The following PCDHGB5 variants were observed in gnomAD, a reference collection of about 807,000 sequenced individuals.
PCDHGB5 encodes the protein protocadherin gamma-B5.
PCDHGB5 carries 48 observed loss-of-function variants against 62.9 expected under a neutral mutation model. That is an observed-to-expected ratio of 0.76 (90% CI 0.61 to 0.97). PCDHGB5 has a LOEUF of 0.97. Among genes scored for constraint, PCDHGB5 ranks in the 50% least tolerant of loss-of-function variants. The pLI is 0.00. For missense variants in PCDHGB5, 1,118 were observed against 1,198.6 expected (o/e 0.93, Z 0.99); for synonymous variants, 474 against 511.2 (o/e 0.93, Z 0.98).
chr5:141,455,283 C>G (rs1225185590), intron 1 of PCDHGB5, among the ~76,000 whole-genome samples: 1 of 152,000 alleles, frequency 6.6e-6, no homozygotes, highest in East Asian at 1.9e-4. Context: ...ATTAACATCA[C>G]TTTACATAGT....
At position 141,422,391 on chromosome 5, in the gene PCDHGB5, T is replaced by A. The variant is rs1036823508; in HGVS notation, c.2397+21867T>A. On this transcript the variant is annotated intron_variant, in intron 1 of 3. Transcript: ENST00000617380. ...ATGGTCAAGTCTCCTGTTTTATTCCTAACCACCTGCCTTTTAAATTAGAAA... is the reference window on the plus strand; with the variant it reads ...ATGGTCAAGTCTCCTGTTTTATTCCAAACCACCTGCCTTTTAAATTAGAAA... 2.5e-6 allele frequency: 4 copies of A among 1,591,932 alleles called. No individual in the cohort carries two copies. The African/African-American group carries it at 4.1e-5, about 16-fold the overall frequency.
chr5:141,422,477 A>G (rs1230502545), intron 1 of PCDHGB5: 2 of 1,613,904 alleles, frequency 1.2e-6, no homozygotes, highest in Admixed American at 1.7e-5. Flanking sequence ...GAGTTGGTCC[A>G]GAGCTACAAT....
At chr5:141,457,125 C>T (rs1011977795) in intron 1 of PCDHGB5, among the ~76,000 whole-genome samples, 3 of 152,236 alleles carry the variant, frequency 2.0e-5, no homozygotes, top group Admixed American at 6.5e-5. Flanking sequence ...GCAATGGAAA[C>T]TCTGTCCAAT....
chr5:141,500,520 T>TA (rs2099801149), intron 2 of PCDHGB5, among the ~76,000 whole-genome samples: 2 of 152,312 alleles, frequency 1.3e-5, no homozygotes, highest in Admixed American at 1.3e-4. Flanking sequence ...AGCTTCATTT[T>TA]AAAAAAATCT....
At chr5:141,437,150 A>T (rs572721302) in intron 1 of PCDHGB5, among the ~76,000 whole-genome samples, 1 of 152,328 alleles carries the variant, frequency 6.6e-6, no homozygotes, top group East Asian at 1.9e-4. Flanking sequence ...CATAATTAAC[A>T]TATGTGTTGA....
intron 1 of PCDHGB5, chr5:141,417,503 T>G (rs1171198405): frequency 8.7e-6 from 2 of 229,844 alleles, no homozygotes; most frequent in East Asian, 1.9e-4. Context: ...GGAAAAAGAT[T>G]AAAATATTTT....
chr5:141,459,862 C>T (rs931723906), intron 1 of PCDHGB5, among the ~76,000 whole-genome samples: 3 of 152,158 alleles, frequency 2.0e-5, no homozygotes, highest in East Asian at 1.9e-4. Context: ...TTGAAGCATT[C>T]GTTCATCTTT....
intron 1 of PCDHGB5, among the ~76,000 whole-genome samples, chr5:141,450,313 T>G (rs2098676929): frequency 6.6e-6 from 1 of 152,172 alleles, no homozygotes; most frequent in Middle Eastern, 3.4e-3. Context: ...ATGTGTGGCC[T>G]AGTTGCCATG....
intron 2 of PCDHGB5, among the ~76,000 whole-genome samples, chr5:141,505,145 G>A (rs540889707): frequency 1.3e-5 from 2 of 152,288 alleles, no homozygotes; most frequent in East Asian, 3.9e-4. Flanking sequence ...CTGGATGACA[G>A]AGTAAGACCC....
intron 1 of PCDHGB5, chr5:141,427,447 T>A (rs556527924): frequency 1.9e-4 from 92 of 483,324 alleles, no homozygotes; most frequent in African/African-American, 1.4e-3. Context: ...AACGAAAGAG[T>A]TCCTTTTAGA....
At chr5:141,422,898 C>CTCTG (rs747261683) in intron 1 of PCDHGB5, 4 of 1,614,250 alleles carry the variant, frequency 2.5e-6, no homozygotes, top group Non-Finnish European at 3.4e-6. Flanking sequence ...TGGACCAGAA[C>CTCTG]GACAATGCGC....
At chr5:141,453,420 C>A (rs2098764964) in intron 1 of PCDHGB5, among the ~76,000 whole-genome samples, 1 of 152,054 alleles carries the variant, frequency 6.6e-6, no homozygotes, top group African/African-American at 2.4e-5. Context: ...GCATAAGCCA[C>A]CACACCTAGC....
intron 1 of PCDHGB5, among the ~76,000 whole-genome samples, chr5:141,473,380 G>A (rs1363453338): frequency 6.6e-6 from 1 of 152,204 alleles, no homozygotes; most frequent in African/African-American, 2.4e-5. Context: ...CATGGTCCCT[G>A]CCCTCCTGGA....
intron 1 of PCDHGB5, among the ~76,000 whole-genome samples, chr5:141,449,422 C>A (rs1041930577): frequency 4.0e-5 from 6 of 151,724 alleles, no homozygotes; most frequent in Non-Finnish European, 7.4e-5. Flanking sequence ...GCCTGGCCAA[C>A]ATGATAAAAC....
intron 1 of PCDHGB5, among the ~76,000 whole-genome samples, chr5:141,457,827 C>T (rs1300495115): frequency 2.0e-5 from 3 of 152,204 alleles, no homozygotes; most frequent in Admixed American, 6.5e-5. Context: ...AAACTCAGAG[C>T]TTCCAGACCT....
intron 1 of PCDHGB5, among the ~76,000 whole-genome samples, chr5:141,450,005 T>A (rs1439257597): frequency 1.0e-5 from 1 of 99,604 alleles, no homozygotes; most frequent in Non-Finnish European, 1.8e-5. Context: ...TTGCCATGTC[T>A]CTTTTTTTTT....
chr5:141,430,108 G>A (rs572634913), intron 1 of PCDHGB5, among the ~76,000 whole-genome samples: 1 of 152,190 alleles, frequency 6.6e-6, no homozygotes, highest in South Asian at 2.1e-4. Context: ...AGCGTTACAT[G>A]TCAACAACCT....
At chr5:141,403,083 T>A (rs775664314) in intron 1 of PCDHGB5, 2 of 1,613,932 alleles carry the variant, frequency 1.2e-6, no homozygotes, top group East Asian at 4.5e-5. Flanking sequence ...AAGGGCTATA[T>A]TGTGGGCAAC....
rs777314784 is a variant in PCDHGB5, at chr5:141,432,669, C to A, written c.2397+32145C>A. On this transcript the variant is annotated intron_variant, in intron 1 of 3. Transcript: ENST00000617380. The surrounding 1 kb of genome is among the most constrained non-coding windows in gnomAD (Gnocchi z 6.0). ...GCGCGAGCCCTGCTGGACAGAGACG[C>A]GCTCAAGCAGAGCCTCGTAGTGGCC... 1 of 1,613,894 alleles carries A rather than the reference C, an allele frequency of 6.2e-7. No homozygotes were observed. Among genetic ancestry groups the A allele is most frequent in the Non-Finnish European group, 8.5e-7 (1 of 1,179,950 alleles).
Sources: gnomAD v4.1 joint callset for allele counts (sites outside exome capture counted in the v4.1 genomes callset) on GRCh38, gnomAD v4.1.1 for gene constraint, Gnocchi (gnomAD v3.1) non-coding constraint, MANE v1.5 for transcripts, NCBI Gene and HGNC (gene_info 2026-07-23, HGNC 2026-07-21) for gene names.